MYO1H: variants seen among roughly 807,000 people sequenced by gnomAD.
MYO1H encodes the protein myosin IH.
MYO1H carries 118 observed loss-of-function variants against 149.3 expected under a neutral mutation model. The observed-to-expected ratio is 0.79, with a 90% CI of 0.68 to 0.92. MYO1H has a LOEUF of 0.92. Among genes scored for constraint, MYO1H ranks in the 40% least tolerant of loss-of-function variants. MYO1H has a pLI of 0.00. For synonymous variants in MYO1H, 447 were observed against 465.2 expected (o/e 0.96, Z 0.50); for missense variants, 1,212 against 1,280.7 (o/e 0.95, Z 0.82).
chr12:109,406,134 C>T (rs963237749), intron 8 of MYO1H, 99 bp downstream of exon 8: 14 of 782,210 alleles, frequency 1.8e-5, no homozygotes, highest in Admixed American at 5.1e-5. Flanking sequence ...TATCTGGTGC[C>T]GTGCTGTTTT....
chr12:109,439,462 G>A (rs867432714), intron 23 of MYO1H, 169 bp from the exon 24 acceptor site: 151 of 428,436 alleles, frequency 3.5e-4, no homozygotes, highest in Middle Eastern at 2.0e-3. Flanking sequence ...ACAAAAGGCC[G>A]TGTGGGTGAA....
At chr12:109,363,789 G>A (rs1328247706) in intron 1 of MYO1H, among the ~76,000 whole-genome samples, 3 of 152,282 alleles carry the variant, frequency 2.0e-5, no homozygotes, top group Middle Eastern at 3.4e-3. Context: ...AGTCAGAGGA[G>A]GAGGCATAGA....
At chr12:109,412,084 C>A in intron 14 of MYO1H, 99 bp downstream of exon 14, 1 of 758,508 alleles carries the variant, frequency 1.3e-6, no homozygotes, top group East Asian at 2.8e-5. Flanking sequence ...ACAACTACTT[C>A]ATACATAAAA....
intron 1 of MYO1H, among the ~76,000 whole-genome samples, chr12:109,350,594 T>C (rs1868443850): frequency 6.6e-6 from 1 of 152,332 alleles, no homozygotes; most frequent in South Asian, 2.1e-4. Context: ...GTCTCAAGTA[T>C]GTCTTTATTA....
At chr12:109,346,002 G>A (rs1187151157), upstream of MYO1H, among the ~76,000 whole-genome samples, 1 of 152,194 alleles carries the variant, frequency 6.6e-6, no homozygotes, top group Admixed American at 6.5e-5. Context: ...TCATGAAAAT[G>A]TTCTTGAATT....
At chr12:109,390,997 A>G (rs1869628507) in intron 2 of MYO1H, among the ~76,000 whole-genome samples, 1 of 152,082 alleles carries the variant, frequency 6.6e-6, no homozygotes, top group African/African-American at 2.4e-5. Context: ...ACCTTTAAGA[A>G]CCATAAATCA....
chr12:109,345,627 G>A (rs973006168), upstream of MYO1H, among the ~76,000 whole-genome samples: 1 of 152,108 alleles, frequency 6.6e-6, no homozygotes, highest in African/African-American at 2.4e-5. Flanking sequence ...CAAGAGAAAT[G>A]AAAACAAGTC....
exon 14 of MYO1H, chr12:109,411,961 T>C: frequency 6.2e-7 from 1 of 1,601,728 alleles, no homozygotes; most frequent in Non-Finnish European, 8.5e-7. Flanking sequence ...GAAGAGAAAG[T>C]GGGCAAACAT....
chr12:109,334,104 C>T, the MYO1H span, among the ~76,000 whole-genome samples: 1 of 152,088 alleles, frequency 6.6e-6, no homozygotes, highest in Non-Finnish European at 1.5e-5. Flanking sequence ...GCAACCTCCA[C>T]CTCCTGGGTT....
chr12:109,326,486 ATATTTTATTTTATTTTATTT>A, the MYO1H span, among the ~76,000 whole-genome samples: 174 of 137,454 alleles, frequency 1.3e-3, no homozygotes, highest in African/African-American at 4.2e-3. Flanking sequence ...CCTTTTTTTT[ATATTTTATTTTATTTTATTT>A]TATTTTATTT....
chr12:109,400,433 T>A (rs964678480), intron 5 of MYO1H, among the ~76,000 whole-genome samples: 1 of 152,214 alleles, frequency 6.6e-6, no homozygotes, highest in Non-Finnish European at 1.5e-5. Context: ...TGTATCTCCC[T>A]GGTGATGAAT....
chr12:109,320,299 G>T, the MYO1H span, among the ~76,000 whole-genome samples: 10 of 151,956 alleles, frequency 6.6e-5, no homozygotes, highest in Non-Finnish European at 1.3e-4. Flanking sequence ...GGGTGACAGA[G>T]CAAGACCCTG....
At chr12:109,361,040 C>T (rs1868734380) in intron 1 of MYO1H, among the ~76,000 whole-genome samples, 1 of 152,152 alleles carries the variant, frequency 6.6e-6, no homozygotes, top group African/African-American at 2.4e-5. Flanking sequence ...ACTTGGCTTC[C>T]CCACCTGTAA....
At chr12:109,385,770 T>A (rs1212159267) in intron 1 of MYO1H, among the ~76,000 whole-genome samples, 2 of 152,188 alleles carry the variant, frequency 1.3e-5, no homozygotes, top group Non-Finnish European at 2.9e-5. Context: ...CAGAATAGTA[T>A]CATAAATCCC....
At chr12:109,400,678 A>T (rs1346255791) in intron 5 of MYO1H, among the ~76,000 whole-genome samples, 6 of 152,238 alleles carry the variant, frequency 3.9e-5, no homozygotes, top group Non-Finnish European at 7.3e-5. Context: ...GATAGAGTTC[A>T]CATGTACAGT....
chr12:109,340,849 G>A, the MYO1H span, among the ~76,000 whole-genome samples: 1 of 152,082 alleles, frequency 6.6e-6, no homozygotes, highest in Non-Finnish European at 1.5e-5. Flanking sequence ...TATATAAATG[G>A]TTGGGGAAAG....
rs1000041859 is a variant in MYO1H, at chr12:109,418,507, G to A, written c.1598-2474G>A. On this transcript the variant is annotated intron_variant, in intron 15 of 31. Coordinates refer to ENST00000310903, the Ensembl canonical transcript of MYO1H. ...TGGGATTATAGATGTCCGCCACCACGCCCAACTAATTTTTGTATTTTTAGT... is the reference window on the plus strand; with the variant it reads ...TGGGATTATAGATGTCCGCCACCACACCCAACTAATTTTTGTATTTTTAGT... 7.2e-5 allele frequency among the ~76,000 whole-genome samples: 11 copies of A among 151,826 alleles called. No homozygotes were observed. In the South Asian group the frequency reaches 1.7e-3, roughly 23 times the overall value.
At chr12:109,442,664 T>C (rs1425226954) in intron 27 of MYO1H, among the ~76,000 whole-genome samples, 3 of 152,172 alleles carry the variant, frequency 2.0e-5, no homozygotes, top group African/African-American at 7.2e-5. Flanking sequence ...TTGGTGCCTC[T>C]GATCTTCTGT....
chr12:109,408,447 T>A (rs1368239053), intron 10 of MYO1H, among the ~76,000 whole-genome samples: 2 of 152,160 alleles, frequency 1.3e-5, no homozygotes, highest in Non-Finnish European at 2.9e-5. Context: ...AGTGCTGGGA[T>A]TACAGGCATG....
Sources: gnomAD v4.1 joint callset for allele counts (sites outside exome capture counted in the v4.1 genomes callset) on GRCh38, gnomAD v4.1.1 for gene constraint, MANE v1.5 for transcripts, NCBI Gene and HGNC (gene_info 2026-07-23, HGNC 2026-07-21) for gene names.